Variants in ATXN2 observed in about 807,000 individuals in gnomAD.
ATXN2 encodes the protein ataxin-2.
A neutral mutation model predicts 138.6 loss-of-function variants in ATXN2; 37 were observed. The ratio of observed to expected loss-of-function variants is 0.27; its 90% CI spans 0.21 to 0.35. The LOEUF (loss-of-function observed/expected upper bound fraction) is 0.35. ATXN2 is among the 10% of genes least tolerant of loss of function. The pLI, the probability that ATXN2 is intolerant of heterozygous loss-of-function variation, is 1.00. For missense variants in ATXN2, 1,216 were observed against 1,480.3 expected (o/e 0.82, Z 2.93); for synonymous variants, 549 against 543.7 (o/e 1.01, Z -0.13).
At chr12:111,599,618 C>T (rs1279102543), upstream of ATXN2, 2 of 1,076,452 alleles carry the variant, frequency 1.9e-6, no homozygotes, top group Non-Finnish European at 2.2e-6. Flanking sequence ...TGAGGTGGCC[C>T]CGGGGCCGGG....
intron 21 of ATXN2, among the ~76,000 whole-genome samples, chr12:111,458,675 C>T (rs1003044731): frequency 1.1e-4 from 16 of 152,178 alleles, no homozygotes; most frequent in African/African-American, 3.9e-4. Context: ...AATAGTTCCC[C>T]ACATTCTTCA....
At chr12:111,528,220 C>T (rs1880609047) in intron 5 of ATXN2, among the ~76,000 whole-genome samples, 1 of 152,120 alleles carries the variant, frequency 6.6e-6, no homozygotes, top group South Asian at 2.1e-4. Context: ...CTCGAAGCAG[C>T]TAGAGATTTT....
Position 111,453,165 on chromosome 12 carries a change from G to A in ATXN2, c.3440-325C>T, listed in dbSNP as rs568606634. 3.7e-5 allele frequency: 43 copies of A among 1,154,014 alleles called. No homozygotes were observed. The highest frequency in any genetic ancestry group is 4.6e-5 in the Non-Finnish European group (43 of 936,850). The allele number at this position is 1,154,014 out of a possible 1,614,324, so 71.5% of individuals were successfully genotyped here. ...TCAGAATAACAGGTCAGACTGTGAA[G>A]TATCGCCATGGCAGCCATCAAGTAG... On this transcript the variant is annotated intron_variant, in intron 24 of 24. Coordinates refer to ENST00000673436, the MANE Select transcript of ATXN2 (RefSeq NM_001372574.1). This position sits in a 1 kb window ranked among gnomAD's most constrained non-coding sequence, Gnocchi z 5.4.
chr12:111,595,187 C>T (rs771488471), intron 1 of ATXN2, among the ~76,000 whole-genome samples: 5 of 152,092 alleles, frequency 3.3e-5, no homozygotes, highest in Middle Eastern at 3.2e-3. Flanking sequence ...CTAGCAAGAG[C>T]CATAAAAATC....
At chr12:111,482,440 C>T (rs1214136326) in intron 18 of ATXN2, among the ~76,000 whole-genome samples, 2 of 151,874 alleles carry the variant, frequency 1.3e-5, no homozygotes, top group Non-Finnish European at 2.9e-5. Context: ...GTGATCTGCC[C>T]ACCTCGGCCT....
In ATXN2 at chr12:111,503,206, C is replaced by T. The variant is rs1878891289; in HGVS notation, c.1935+6343G>A. The stretch of plus-strand genomic sequence containing the variant: ...ATTTGTGAACAAATGCAGTTTGGGG[C>T]TATGAGCATGTCATGAAGTTAGCTC... On this transcript the variant is annotated intron_variant, in intron 14 of 24. Coordinates refer to ENST00000673436, the MANE Select transcript of ATXN2 (RefSeq NM_001372574.1). Among the ~76,000 whole-genome samples the T allele has an allele frequency of 1.3e-5, 2 of 152,246 alleles. 1 individual carries two copies. Among genetic ancestry groups the T allele is most frequent in the South Asian group, 4.1e-4 (2 of 4,834 alleles).
At chr12:111,514,029 C>A (rs1879715224) in intron 10 of ATXN2, among the ~76,000 whole-genome samples, 3 of 152,080 alleles carry the variant, frequency 2.0e-5, no homozygotes, top group East Asian at 1.9e-4. Flanking sequence ...TCCCTATACA[C>A]CCCGATACCA....
rs542842093 is a variant in ATXN2 at position 111,542,828 on chromosome 12, A to G, written c.571+9452T>C. Among the ~76,000 whole-genome samples, 15 of 152,240 alleles carry G rather than the reference A, an allele frequency of 9.9e-5. No individual in the cohort carries two copies. The South Asian group carries it at 2.7e-3, about 27-fold the overall frequency. On this transcript the variant is annotated intron_variant, in intron 5 of 24. Coordinates refer to ENST00000673436, the MANE Select transcript of ATXN2 (RefSeq NM_001372574.1). ...AACCTTACTCTTACTAGTACCACAC[A>G]GTATTTTTTTATCGTTTGTCCAAAT...
chr12:111,500,626 G>A (rs1437193713), intron 14 of ATXN2, among the ~76,000 whole-genome samples: 1 of 152,214 alleles, frequency 6.6e-6, no homozygotes, highest in African/African-American at 2.4e-5. Flanking sequence ...TGCAACCCCA[G>A]CACTTTGGGA....
At chr12:111,555,488 A>G (rs1327536941) in intron 2 of ATXN2, among the ~76,000 whole-genome samples, 2 of 152,112 alleles carry the variant, frequency 1.3e-5, no homozygotes, top group Admixed American at 6.5e-5. Context: ...TGATGGTTTT[A>G]TAAGGGGCTT....
At chr12:111,585,494 C>A (rs1229607350) in intron 1 of ATXN2, among the ~76,000 whole-genome samples, 1 of 149,786 alleles carries the variant, frequency 6.7e-6, no homozygotes, top group Admixed American at 6.7e-5. Flanking sequence ...GCCTGGGCAA[C>A]AGAACAAGAT....
At chr12:111,599,381 GCGCCACCGCCGCCC>G (rs948963298), upstream of ATXN2, 39 of 1,159,944 alleles carry the variant, frequency 3.4e-5, no homozygotes, top group Admixed American at 4.7e-5. Flanking sequence ...TCCCGGGGCC[GCGCCACCGCCGCCC>G]CGCCCGCTCC....
intron 14 of ATXN2, among the ~76,000 whole-genome samples, chr12:111,493,507 C>T (rs1878188720): frequency 6.6e-6 from 1 of 151,210 alleles, no homozygotes; most frequent in South Asian, 2.1e-4. Context: ...TGCAAAAACT[C>T]ACTGGTAACA....
At chr12:111,525,063 C>T (rs1880403708) in intron 6 of ATXN2, 129 bp downstream of exon 6, 4 of 1,243,724 alleles carry the variant, frequency 3.2e-6, no homozygotes, top group Admixed American at 5.5e-5. Flanking sequence ...TCTAGTTATA[C>T]AACAAACCTG....
At chr12:111,470,029 C>A in intron 20 of ATXN2, 79 bp downstream of exon 20, 1 of 1,454,750 alleles carries the variant, frequency 6.9e-7, no homozygotes. Context: ...TCAGGTTATT[C>A]TTAGATAGAG....
intron 5 of ATXN2, among the ~76,000 whole-genome samples, chr12:111,534,297 A>G (rs1248823696): frequency 6.6e-6 from 1 of 151,984 alleles, no homozygotes. Context: ...GGTACTCGGG[A>G]GGCTGAGGTG....
intron 1 of ATXN2, among the ~76,000 whole-genome samples, chr12:111,578,371 A>G (rs1883798156): frequency 6.6e-6 from 1 of 152,276 alleles, no homozygotes; most frequent in East Asian, 1.9e-4. Context: ...TGACCTATTC[A>G]GATATACCAC....
chr12:111,598,345 G>C lies in ATXN2; in HGVS notation c.251+439C>G, dbSNP rs576721222. On this transcript the variant is annotated intron_variant, in intron 1 of 24. Transcript: ENST00000673436. The surrounding 1 kb of genome is among the most constrained non-coding windows in gnomAD (Gnocchi z 4.5). ...AGATGTCCCCCATGGAGGGGGACAT[G>C]TTCCGGAAAACGCCACCACAGCCTC... The C allele has an allele frequency of 4.8e-5, 48 of 990,280 alleles. No homozygotes were observed. In the South Asian group the frequency reaches 1.8e-3, roughly 37 times the overall value. The allele number at this position is 990,280 out of a possible 1,614,324, so 61.3% of individuals were successfully genotyped here. A position where few individuals can be genotyped will look rare whatever the true frequency, so the allele number is the denominator to read the frequency against.
At chr12:111,589,587 C>T (rs1884540647) in intron 1 of ATXN2, among the ~76,000 whole-genome samples, 1 of 151,798 alleles carries the variant, frequency 6.6e-6, no homozygotes, top group African/African-American at 2.4e-5. Flanking sequence ...GCCTGGCCAA[C>T]ATGATAAAAC....
Sources: gnomAD v4.1 joint callset for allele counts (sites outside exome capture counted in the v4.1 genomes callset) on GRCh38, gnomAD v4.1.1 for gene constraint, Gnocchi (gnomAD v3.1) non-coding constraint, MANE v1.5 for transcripts, NCBI Gene and HGNC (gene_info 2026-07-23, HGNC 2026-07-21) for gene names.